MTUS2: variants seen among roughly 807,000 people sequenced by gnomAD.
MTUS2 encodes microtubule associated scaffold protein 2.
In MTUS2, 40 loss-of-function variants were observed where a neutral mutation model predicts 114.1. The observed-to-expected ratio is 0.35, with a 90% CI of 0.27 to 0.46. MTUS2 has a LOEUF of 0.46. Ranked by LOEUF, MTUS2 falls within the 20% of genes least tolerant of loss-of-function variation. MTUS2 has a pLI of 1.00. For missense variants in MTUS2, 1,679 were observed against 1,705.4 expected, an observed-to-expected ratio of 0.98 and a Z score of 0.27; for synonymous variants, 688 against 672.0, an observed-to-expected ratio of 1.02 and a Z score of -0.37.
intron 3 of MTUS2, among the ~76,000 whole-genome samples, chr13:29,032,898 A>G (rs1323987721): frequency 4.6e-5 from 7 of 152,244 alleles, no homozygotes; most frequent in African/African-American, 1.7e-4. Context: ...CCTTAGCACT[A>G]TTTTTTATTG....
chr13:29,487,105 C>T (rs942651314), intron 10 of MTUS2, among the ~76,000 whole-genome samples: 1 of 152,168 alleles, frequency 6.6e-6, no homozygotes, highest in Non-Finnish European at 1.5e-5. Flanking sequence ...GAGGCAGCAG[C>T]CCTTCCCAGG....
chr13:29,022,760 A>T (rs1018914595), intron 2 of MTUS2, among the ~76,000 whole-genome samples: 1 of 152,234 alleles, frequency 6.6e-6, no homozygotes, highest in South Asian at 2.1e-4. Context: ...ATAATAGTGG[A>T]TGAAACAATG....
At chr13:29,272,430 T>C (rs1316169975) in intron 5 of MTUS2, among the ~76,000 whole-genome samples, 3 of 152,242 alleles carry the variant, frequency 2.0e-5, no homozygotes, top group Non-Finnish European at 4.4e-5. Context: ...GCTTTTCTTC[T>C]GCAGCCTTCC....
chr13:29,367,715 C>T (rs1250075591), intron 8 of MTUS2, among the ~76,000 whole-genome samples: 2 of 152,026 alleles, frequency 1.3e-5, no homozygotes, highest in Admixed American at 6.5e-5. Flanking sequence ...ATGAACCCAC[C>T]CCACCCCAGC....
chr13:28,966,233 T>C (rs1302291358), intron 2 of MTUS2, among the ~76,000 whole-genome samples: 1 of 152,074 alleles, frequency 6.6e-6, no homozygotes, highest in Non-Finnish European at 1.5e-5. Context: ...AGCACCAACA[T>C]TGCAAAAAAA....
intron 8 of MTUS2, among the ~76,000 whole-genome samples, chr13:29,384,617 G>A (rs982839581): frequency 1.3e-5 from 2 of 152,224 alleles, no homozygotes; most frequent in Non-Finnish European, 2.9e-5. Context: ...ACCGTGTTCT[G>A]TGTGGTTTGT....
intron 9 of MTUS2, among the ~76,000 whole-genome samples, chr13:29,457,983 A>G (rs1192992054): frequency 6.6e-6 from 1 of 152,130 alleles, no homozygotes; most frequent in African/African-American, 2.4e-5. Context: ...TGATCTCCTG[A>G]CCTCATGATC....
At chr13:29,142,493 C>T (rs1393055224) in intron 5 of MTUS2, among the ~76,000 whole-genome samples, 2 of 152,112 alleles carry the variant, frequency 1.3e-5, no homozygotes, top group African/African-American at 4.8e-5. Flanking sequence ...CACCTGAGGT[C>T]AGGAGTTTGA....
intron 5 of MTUS2, among the ~76,000 whole-genome samples, chr13:29,228,078 C>T (rs1896181264): frequency 6.6e-6 from 1 of 152,108 alleles, no homozygotes; most frequent in South Asian, 2.1e-4. Flanking sequence ...AAGAATCTGT[C>T]TCACAGAAAT....
In MTUS2 at chr13:28,946,995, G is replaced by A. The variant is rs1039132588; in HGVS notation, c.-242-77462G>A. ...TGCTTACAACATACCTGTGAGGCAG[G>A]TATTCACATTAGCCACAGTTTACAA... On this transcript the variant is annotated intron_variant, in intron 2 of 15. Coordinates refer to ENST00000612955, the MANE Select transcript of MTUS2 (RefSeq NM_001033602.4). 2.6e-5 allele frequency among the ~76,000 whole-genome samples: 4 copies of A among 152,282 alleles called. No homozygotes were observed. In the South Asian group the frequency reaches 8.3e-4, roughly 32 times the overall value.
chr13:29,296,059 A>G (rs575732367), intron 6 of MTUS2, among the ~76,000 whole-genome samples: 36 of 152,218 alleles, frequency 2.4e-4, no homozygotes, highest in Non-Finnish European at 4.8e-4. Context: ...GGCAGATTTT[A>G]TACCTTGGCT....
chr13:29,158,358 C>CCCCCCCCTCTTTT, intron 5 of MTUS2, among the ~76,000 whole-genome samples: 26 of 32,048 alleles, frequency 8.1e-4, no homozygotes, highest in South Asian at 2.5e-3. Context: ...GTCCACCCCG[C>CCCCCCCCTCTTTT]TTTTTTTTTT....
chr13:28,973,954 C>CT, intron 2 of MTUS2, among the ~76,000 whole-genome samples: 1 of 152,296 alleles, frequency 6.6e-6, no homozygotes, highest in Middle Eastern at 3.4e-3. Context: ...CTTCAGCAGC[C>CT]TGTGTTTTTA....
chr13:28,851,629 C>G (rs912901954), intron 2 of MTUS2, among the ~76,000 whole-genome samples: 6 of 152,272 alleles, frequency 3.9e-5, no homozygotes, highest in Admixed American at 3.9e-4. Flanking sequence ...GGACTCTGAC[C>G]AGGGTCCTGA....
chr13:29,425,847 G>A (rs116495746), intron 8 of MTUS2, among the ~76,000 whole-genome samples: 1 of 152,140 alleles, frequency 6.6e-6, no homozygotes, highest in South Asian at 2.1e-4. Context: ...AGCTGAAAAT[G>A]GCCTCTCTTT....
rs73441370 is a variant in MTUS2 at position 29,025,903 on chromosome 13, C to A, written c.1205C>A (p.Ser402Tyr). 7.5e-3 allele frequency: 12,049 copies of A among 1,613,610 alleles called. 664 individuals carry two copies. The African/African-American group carries it at 0.13, about 17-fold the overall frequency. ...ACCACCCCCAAACAGGGCTCTGCTT[C>A]CTTAGGAGGGGCTGATAATCAGCCC... ...LHTTPKQGSA[S>Y]LGGADNQPTG... Residue 402 changes from serine to tyrosine, a missense_variant, in exon 3 of 16, where the codon TCC becomes TAC. Physicochemically the swap from Ser to Tyr is moderately radical, Grantham distance 144. Around this residue, in one of 3 missense-constraint regions of MTUS2, gnomAD observed 843 missense variants for 770.8 expected, o/e 1.09. Coordinates refer to ENST00000612955, the MANE Select transcript of MTUS2 (RefSeq NM_001033602.4).
intron 5 of MTUS2, among the ~76,000 whole-genome samples, chr13:29,152,956 T>C (rs1182677292): frequency 6.6e-6 from 1 of 152,090 alleles, no homozygotes; most frequent in Admixed American, 6.6e-5. Context: ...TGATAAAGAT[T>C]TTTTCTATTT....
intron 2 of MTUS2, among the ~76,000 whole-genome samples, chr13:28,844,901 G>A (rs984916327): frequency 1.3e-5 from 2 of 152,106 alleles, no homozygotes; most frequent in African/African-American, 4.8e-5. Context: ...ACAGGCATGA[G>A]CCACCATGCC....
At chr13:29,342,924 T>C (rs937179640) in intron 7 of MTUS2, among the ~76,000 whole-genome samples, 4 of 152,154 alleles carry the variant, frequency 2.6e-5, no homozygotes, top group African/African-American at 9.6e-5. Context: ...GATCATGTTA[T>C]TTTTGTTTTT....
Sources: allele counts gnomAD v4.1 joint callset (sites outside exome capture counted in the v4.1 genomes callset), GRCh38; gene constraint gnomAD v4.1.1; regional missense constraint gnomAD v4.1.1; transcripts MANE v1.5; gene names NCBI Gene and HGNC (gene_info 2026-07-23, HGNC 2026-07-21).